The following GLT1D1 variants were observed in gnomAD, a reference collection of about 807,000 sequenced individuals.
GLT1D1 encodes the protein glycosyltransferase 1 domain containing 1.
A neutral mutation model predicts 28.7 loss-of-function variants in GLT1D1; 21 were observed. The ratio of observed to expected loss-of-function variants is 0.73; its 90% CI spans 0.52 to 1.05. The LOEUF (loss-of-function observed/expected upper bound fraction) is 1.05, where lower values mean the gene tolerates loss of function less well. Among genes scored for constraint, GLT1D1 ranks in the 50% least tolerant of loss-of-function variants. GLT1D1 has a pLI of 0.00. For missense variants in GLT1D1, 343 were observed against 330.6 expected (o/e 1.04, Z -0.29); for synonymous variants, 147 against 124.8 (o/e 1.18, Z -1.19).
intron 6 of GLT1D1, among the ~76,000 whole-genome samples, chr12:128,949,294 G>C (rs1936442309): frequency 6.6e-6 from 1 of 152,180 alleles, no homozygotes; most frequent in South Asian, 2.1e-4. Flanking sequence ...TCAAAGCAAA[G>C]GCAGCTGTTA....
chr12:128,923,797 G>C (rs1363794158), intron 4 of GLT1D1, among the ~76,000 whole-genome samples: 2 of 152,076 alleles, frequency 1.3e-5, no homozygotes, highest in Non-Finnish European at 2.9e-5. Flanking sequence ...TGGGATTACA[G>C]GCGTGAGCCA....
chr12:128,978,044 C>T (rs1454539760), intron 7 of GLT1D1, among the ~76,000 whole-genome samples: 2 of 151,852 alleles, frequency 1.3e-5, no homozygotes, highest in African/African-American at 4.8e-5. Flanking sequence ...TTCAGCCTCC[C>T]AAAATGCTGG....
At chr12:128,967,009 G>A (rs1322827191) in intron 7 of GLT1D1, among the ~76,000 whole-genome samples, 19 of 152,172 alleles carry the variant, frequency 1.2e-4, no homozygotes, top group Admixed American at 1.1e-3. Flanking sequence ...TTATTGCTCT[G>A]TTTTATAGCT....
At chr12:128,972,789 C>A (rs928934032) in intron 7 of GLT1D1, among the ~76,000 whole-genome samples, 1 of 152,206 alleles carries the variant, frequency 6.6e-6, no homozygotes, top group African/African-American at 2.4e-5. Flanking sequence ...TTATTAAGGT[C>A]TGCTTGACAA....
At chr12:128,978,203 C>T (rs964738067) in intron 7 of GLT1D1, among the ~76,000 whole-genome samples, 3 of 152,086 alleles carry the variant, frequency 2.0e-5, no homozygotes, top group Non-Finnish European at 2.9e-5. Flanking sequence ...GTCAGCCAAT[C>T]GGCTTTTCCG....
chr12:128,920,923 G>A (rs1307814584), intron 4 of GLT1D1, among the ~76,000 whole-genome samples: 1 of 152,142 alleles, frequency 6.6e-6, no homozygotes, highest in Non-Finnish European at 1.5e-5. Flanking sequence ...AATTAGTCAG[G>A]TATGTGCCCT....
intron 7 of GLT1D1, among the ~76,000 whole-genome samples, chr12:128,964,997 A>G (rs1366323707): frequency 6.6e-6 from 1 of 152,206 alleles, no homozygotes; most frequent in East Asian, 1.9e-4. Flanking sequence ...CTCAGATGTA[A>G]GGAGCATGGG....
chr12:128,912,589 C>T, intron 4 of GLT1D1, 129 bp downstream of exon 5: 1 of 357,690 alleles, frequency 2.8e-6, no homozygotes, highest in Non-Finnish European at 4.8e-6. Flanking sequence ...CCTTAAGAGA[C>T]ACATATTGAG....
intron 6 of GLT1D1, 47 bp downstream of exon 10, chr12:128,947,505 A>G: frequency 6.2e-7 from 1 of 1,605,988 alleles, no homozygotes; most frequent in Non-Finnish European, 8.5e-7. Flanking sequence ...GAAATTGTCC[A>G]TCACTCCTTC....
At chr12:128,858,968 C>T (rs1297838126) in intron 1 of GLT1D1, among the ~76,000 whole-genome samples, 1 of 152,148 alleles carries the variant, frequency 6.6e-6, no homozygotes, top group Non-Finnish European at 1.5e-5. Context: ...GCCCTTCCTC[C>T]CCGCAACCCC....
chr12:128,874,120 C>CTTTCTTTCTT (rs1555261630), intron 1 of GLT1D1, among the ~76,000 whole-genome samples: 21 of 52,798 alleles, frequency 4.0e-4, no homozygotes, highest in African/African-American at 1.8e-3. Flanking sequence ...CTCTCTCTCT[C>CTTTCTTTCTT]TCTCTCTTTC....
intron 3 of GLT1D1, among the ~76,000 whole-genome samples, chr12:128,896,842 T>C (rs997472822): frequency 1.4e-4 from 22 of 152,306 alleles, no homozygotes; most frequent in Non-Finnish European, 2.9e-4. Context: ...TGGGCATTTA[T>C]ATCTTTATCA....
At chr12:128,898,034 T>C (rs1869850016) in intron 3 of GLT1D1, among the ~76,000 whole-genome samples, 1 of 152,222 alleles carries the variant, frequency 6.6e-6, no homozygotes, top group East Asian at 1.9e-4. Context: ...TTGATCTTTC[T>C]ATCTTTTTTT....
At chr12:128,981,490 T>C (rs1555222996) in intron 7 of GLT1D1, among the ~76,000 whole-genome samples, 2 of 152,188 alleles carry the variant, frequency 1.3e-5, no homozygotes, top group African/African-American at 4.8e-5. Context: ...AACATATTTT[T>C]ATTATAAAAC....
chr12:128,936,248 G>A (rs1388992499), intron 4 of GLT1D1, among the ~76,000 whole-genome samples: 18 of 148,648 alleles, frequency 1.2e-4, no homozygotes, highest in African/African-American at 3.0e-4. Flanking sequence ...TCCGCCTCCC[G>A]GGTTCACGCC....
At chr12:128,955,106 CT>C (rs1200719339) in intron 6 of GLT1D1, among the ~76,000 whole-genome samples, 4 of 152,200 alleles carry the variant, frequency 2.6e-5, no homozygotes, top group African/African-American at 9.7e-5. Flanking sequence ...GATGGTACAA[CT>C]AGTATCTAGT....
At chr12:128,885,326 G>A (rs962440410) in intron 2 of GLT1D1, among the ~76,000 whole-genome samples, 1 of 152,048 alleles carries the variant, frequency 6.6e-6, no homozygotes, top group Non-Finnish European at 1.5e-5. Context: ...AGGTTCAAGC[G>A]ATTCTCCTGC....
At chr12:128,909,995 T>A (rs1043466345) in intron 4 of GLT1D1, among the ~76,000 whole-genome samples, 13 of 152,268 alleles carry the variant, frequency 8.5e-5, no homozygotes, top group Non-Finnish European at 1.8e-4. Context: ...ATATAGAAAA[T>A]GTTTTTCAAA....
At chr12:128,976,254 T>C (rs1386305278) in intron 7 of GLT1D1, among the ~76,000 whole-genome samples, 1 of 152,142 alleles carries the variant, frequency 6.6e-6, no homozygotes, top group Non-Finnish European at 1.5e-5. Context: ...CTTCCTGCAA[T>C]CCCCTGGGGG....
Sources: gnomAD v4.1 joint callset for allele counts (sites outside exome capture counted in the v4.1 genomes callset) on GRCh38, gnomAD v4.1.1 for gene constraint, MANE v1.5 for transcripts, NCBI Gene and HGNC (gene_info 2026-07-23, HGNC 2026-07-21) for gene names.